Variants in ZFHX3 observed in about 807,000 individuals in gnomAD.
The protein encoded by ZFHX3 is zinc finger homeobox 3.
In ZFHX3, 42 loss-of-function variants were observed where a neutral mutation model predicts 279.1. The ratio of observed to expected loss-of-function variants is 0.15; its 90% CI spans 0.12 to 0.19. ZFHX3 has a LOEUF of 0.19. Ranked by LOEUF, ZFHX3 falls within the 10% of genes least tolerant of loss-of-function variation. The probability of loss-of-function intolerance (pLI) is 1.00; values close to 1 mark genes in which losing one functional copy is unlikely to be tolerated. For synonymous variants in ZFHX3, 2,293 were observed against 1,957.8 expected (o/e 1.17, Z -4.52); for missense variants, 4,981 against 4,754.0 (o/e 1.05, Z -1.40).
intron 1 of ZFHX3, among the ~76,000 whole-genome samples, chr16:73,792,200 C>G (rs935268045): frequency 6.6e-6 from 1 of 152,146 alleles, no homozygotes; most frequent in African/African-American, 2.4e-5. Context: ...TATAGTCATA[C>G]AGTATAAAGA....
intron 7 of ZFHX3, among the ~76,000 whole-genome samples, chr16:73,128,056 C>A (rs1966602338): frequency 6.6e-6 from 1 of 152,166 alleles, no homozygotes; most frequent in Non-Finnish European, 1.5e-5. Flanking sequence ...CAAATGGATG[C>A]ATAGTTTTCC....
Position 72,792,458 on chromosome 16 carries a change from C to CTT in ZFHX3, c.9427+795_9427+796dup, listed in dbSNP as rs768603840. ...TACCACATAAGACCTTCTGGTAGTTCTTTTTTTTTTCTTTTTTTGAGACAG... is the reference window on the plus strand; with the variant it reads ...TACCACATAAGACCTTCTGGTAGTTCTTTTTTTTTTTTCTTTTTTTGAGACAG... On this transcript the variant is annotated intron_variant, in intron 9 of 9. Coordinates refer to ENST00000268489, the MANE Select transcript of ZFHX3 (RefSeq NM_006885.4). Among the ~76,000 whole-genome samples, 12 of 149,498 alleles carry CTT rather than the reference C, an allele frequency of 8.0e-5. No individual in the cohort carries two copies. In the South Asian group the frequency reaches 1.3e-3, roughly 16 times the overall value.
chr16:73,403,276 C>T (rs1013742484), intron 3 of ZFHX3, among the ~76,000 whole-genome samples: 1 of 152,182 alleles, frequency 6.6e-6, no homozygotes, highest in African/African-American at 2.4e-5. Flanking sequence ...CCGAGGGCTG[C>T]GATTCCCCTG....
intron 1 of ZFHX3, among the ~76,000 whole-genome samples, chr16:73,787,319 C>T (rs1228718677): frequency 6.6e-6 from 1 of 152,148 alleles, no homozygotes; most frequent in East Asian, 1.9e-4. Context: ...TTCAATAAAG[C>T]ACCAGACACA....
intron 4 of ZFHX3, among the ~76,000 whole-genome samples, chr16:73,314,310 C>T (rs989521560): frequency 6.6e-6 from 1 of 152,164 alleles, no homozygotes; most frequent in African/African-American, 2.4e-5. Context: ...TTTGGACTTC[C>T]CAGCCTCTAT....
At chr16:73,700,025 C>T (rs2053232215) in intron 1 of ZFHX3, among the ~76,000 whole-genome samples, 1 of 152,110 alleles carries the variant, frequency 6.6e-6, no homozygotes, top group South Asian at 2.1e-4. Flanking sequence ...GAGTTCAAGA[C>T]CAGCCTGGGT....
chr16:73,684,723 T>C (rs1317711640), intron 1 of ZFHX3, among the ~76,000 whole-genome samples: 1 of 142,538 alleles, frequency 7.0e-6, no homozygotes, highest in Non-Finnish European at 1.5e-5. Context: ...TTTTTGGAGA[T>C]GGAGTCTTGC....
intron 3 of ZFHX3, among the ~76,000 whole-genome samples, chr16:72,898,180 G>A (rs560173979): frequency 4.6e-5 from 7 of 152,202 alleles, no homozygotes; most frequent in African/African-American, 1.2e-4. Context: ...TCAAGCTCTC[G>A]TCCTTGACGC....
intron 5 of ZFHX3, among the ~76,000 whole-genome samples, chr16:73,192,422 A>G (rs1968061512): frequency 6.6e-6 from 1 of 152,160 alleles, no homozygotes; most frequent in Non-Finnish European, 1.5e-5. Flanking sequence ...CCGGGACACA[A>G]CAGAGGAGAG....
At chr16:73,820,479 A>C (rs1960706435) in intron 1 of ZFHX3, among the ~76,000 whole-genome samples, 3 of 152,162 alleles carry the variant, frequency 2.0e-5, no homozygotes, top group Non-Finnish European at 2.9e-5. Flanking sequence ...TGAGATTCAC[A>C]GTTTACAGGG....
chr16:73,342,475 C>T (rs553090100), intron 3 of ZFHX3, among the ~76,000 whole-genome samples: 68 of 152,180 alleles, frequency 4.5e-4, no homozygotes, highest in African/African-American at 1.5e-3. Context: ...TCAGACAGTG[C>T]GGTACTATTC....
At chr16:73,759,407 G>A (rs1257502368) in intron 1 of ZFHX3, among the ~76,000 whole-genome samples, 1 of 152,058 alleles carries the variant, frequency 6.6e-6, no homozygotes, top group Non-Finnish European at 1.5e-5. Context: ...ACATTTTATT[G>A]GCCAGATTTT....
intron 1 of ZFHX3, among the ~76,000 whole-genome samples, chr16:73,758,966 T>C (rs1335472251): frequency 6.6e-6 from 1 of 152,220 alleles, no homozygotes; most frequent in Non-Finnish European, 1.5e-5. Flanking sequence ...ATGTGGGTGG[T>C]GCATGGGCAT....
At chr16:73,823,538 G>A (rs1337361280) in intron 1 of ZFHX3, among the ~76,000 whole-genome samples, 2 of 152,202 alleles carry the variant, frequency 1.3e-5, no homozygotes, top group African/African-American at 2.4e-5. Flanking sequence ...TAGAATAGGG[G>A]TTGACCAACT....
In ZFHX3 at chr16:73,309,906, CTTTTTTT is replaced by C. The variant is rs57812149; in HGVS notation, c.-1194+8327_-1194+8333del. Among the ~76,000 whole-genome samples, 757 of 114,414 alleles carry C rather than the reference CTTTTTTT, an allele frequency of 6.6e-3. 7 individuals carry two copies. The highest frequency in any genetic ancestry group is 0.022 in the African/African-American group (689 of 30,818). 75.1% of individuals were successfully genotyped at this position (114,414 alleles called of 152,430 possible). A position where few individuals can be genotyped will look rare whatever the true frequency, so the allele number is the denominator to read the frequency against. Reference sequence around the variant, plus strand: ...TGCTTTGGGACTCGTTTTTTCTTGCCTTTTTTTTTTTTTTTTTTTTGAGATGGAGTCT... The same window carrying C: ...TGCTTTGGGACTCGTTTTTTCTTGCCTTTTTTTTTTTTTGAGATGGAGTCT... On this transcript the variant is annotated intron_variant, in intron 4 of 17. Coordinates refer to the ZFHX3 transcript ENST00000641206.
chr16:73,789,671 C>A (rs1362222296), intron 1 of ZFHX3, among the ~76,000 whole-genome samples: 1 of 152,146 alleles, frequency 6.6e-6, no homozygotes, highest in East Asian at 1.9e-4. Flanking sequence ...AGCAGAGGGG[C>A]AGATATGTAA....
intron 1 of ZFHX3, among the ~76,000 whole-genome samples, chr16:73,845,022 G>T (rs1234828454): frequency 2.0e-5 from 3 of 152,120 alleles, no homozygotes; most frequent in Non-Finnish European, 4.4e-5. Flanking sequence ...GCTAAAGAAG[G>T]AAGAGGTGGT....
chr16:73,507,485 C>CTTTTTTTTTTTTTTTTT (rs752001880), intron 2 of ZFHX3, among the ~76,000 whole-genome samples: 3 of 79,790 alleles, frequency 3.8e-5, no homozygotes, highest in African/African-American at 6.1e-5. Flanking sequence ...AGCTCTGCCA[C>CTTTTTTTTTTTTTTTTT]TTTTTTTTTT....
intron 1 of ZFHX3, among the ~76,000 whole-genome samples, chr16:73,850,485 A>G (rs962066783): frequency 6.6e-6 from 1 of 152,148 alleles, no homozygotes; most frequent in Non-Finnish European, 1.5e-5. Context: ...GGGATTCTTG[A>G]GCACACGAGT....
Sources: allele counts gnomAD v4.1 joint callset (sites outside exome capture counted in the v4.1 genomes callset), GRCh38; gene constraint gnomAD v4.1.1; transcripts MANE v1.5; gene names NCBI Gene and HGNC (gene_info 2026-07-23, HGNC 2026-07-21).